The following PARD3B variants were observed in gnomAD, a reference collection of about 807,000 sequenced individuals.
The protein encoded by PARD3B is par-3 family cell polarity regulator beta, also known as partitioning defective 3 homolog B.
In PARD3B, 103 loss-of-function variants were observed where a neutral mutation model predicts 130.2. That is an observed-to-expected ratio of 0.79 (90% confidence interval 0.67 to 0.93). The LOEUF (loss-of-function observed/expected upper bound fraction) is 0.93. PARD3B is among the 40% of genes least tolerant of loss of function. The pLI is 0.00. For missense variants in PARD3B, 1,609 were observed against 1,499.2 expected, an observed-to-expected ratio of 1.07 and a Z score of -1.21; for synonymous variants, 583 against 553.2, an observed-to-expected ratio of 1.05 and a Z score of -0.76.
rs551493645 is a variant in PARD3B, at chr2:204,697,526, G to A, written c.222+11244G>A. 7.2e-5 allele frequency among the ~76,000 whole-genome samples: 11 copies of A among 152,218 alleles called. No individual in the cohort carries two copies. The East Asian group carries it at 1.5e-3, about 21-fold the overall frequency. ...GGAGCTCATCTTAGTCACTGAGACC[G>A]AGTATATAAGCAAGAGTGGGGCAGA... On this transcript the variant is annotated intron_variant, in intron 2 of 22. Transcript: ENST00000406610.
At chr2:205,555,551 T>C (rs1223566980) in intron 22 of PARD3B, among the ~76,000 whole-genome samples, 1 of 152,224 alleles carries the variant, frequency 6.6e-6, no homozygotes, top group Non-Finnish European at 1.5e-5. Flanking sequence ...GGGTTTTCTG[T>C]CAAAGATAAT....
At chr2:205,386,192 G>C (rs1473084242) in intron 18 of PARD3B, among the ~76,000 whole-genome samples, 1 of 152,160 alleles carries the variant, frequency 6.6e-6, no homozygotes, top group Non-Finnish European at 1.5e-5. Context: ...GCATTGAGCT[G>C]TTTTTCCGGG....
intron 2 of PARD3B, among the ~76,000 whole-genome samples, chr2:204,827,733 A>G (rs1006724380): frequency 2.0e-5 from 3 of 152,378 alleles, no homozygotes; most frequent in African/African-American, 7.2e-5. Flanking sequence ...AATGTGCTTT[A>G]CTACAGTTTT....
chr2:205,384,884 C>G (rs980993948), intron 18 of PARD3B, among the ~76,000 whole-genome samples: 3 of 152,044 alleles, frequency 2.0e-5, no homozygotes, highest in Admixed American at 6.6e-5. Context: ...ACATACTAAC[C>G]CTGAGAGCCC....
At chr2:204,579,491 T>C (rs1182811111) in intron 1 of PARD3B, among the ~76,000 whole-genome samples, 1 of 152,138 alleles carries the variant, frequency 6.6e-6, no homozygotes, top group African/African-American at 2.4e-5. Flanking sequence ...AAGAAGTAAG[T>C]TGGGGCTTCA....
At chr2:204,609,974 A>C (rs1052772264) in intron 1 of PARD3B, among the ~76,000 whole-genome samples, 2 of 152,142 alleles carry the variant, frequency 1.3e-5, no homozygotes, top group Non-Finnish European at 2.9e-5. Flanking sequence ...AGATATTTTG[A>C]TTTCCTTCAG....
intron 2 of PARD3B, among the ~76,000 whole-genome samples, chr2:204,772,516 G>A (rs1296356132): frequency 6.6e-6 from 1 of 152,054 alleles, no homozygotes; most frequent in African/African-American, 2.4e-5. Context: ...TTATTTTTCA[G>A]ATGGTTTGAC....
At chr2:204,911,933 G>T (rs2047252606) in intron 2 of PARD3B, among the ~76,000 whole-genome samples, 1 of 151,912 alleles carries the variant, frequency 6.6e-6, no homozygotes, top group Non-Finnish European at 1.5e-5. Flanking sequence ...AAAACAAAAA[G>T]TAATATGTGA....
rs560200102 is a variant in PARD3B at position 205,265,932 on chromosome 2, G to A, written c.2185+20110G>A. On this transcript the variant is annotated intron_variant, in intron 16 of 22. Coordinates refer to ENST00000406610, the MANE Select transcript of PARD3B (RefSeq NM_001302769.2). This position sits in a 1 kb window ranked among gnomAD's most constrained non-coding sequence, Gnocchi z 4.3. ...ATATAAAACATAAATCTTGAGAGAA[G>A]GGCTTTTGATTTTTGTTAAAAGCAG... is the stretch of plus-strand genomic sequence containing the variant. Among the ~76,000 whole-genome samples the A allele has an allele frequency of 4.4e-4, 67 of 151,988 alleles. 1 individual carries two copies. In the South Asian group the frequency reaches 0.014, roughly 32 times the overall value.
chr2:205,548,716 A>AT (rs2052481962), intron 21 of PARD3B, among the ~76,000 whole-genome samples: 1 of 152,116 alleles, frequency 6.6e-6, no homozygotes, highest in Non-Finnish European at 1.5e-5. Context: ...TTTGATGGTG[A>AT]TTTTTTTGAT....
At chr2:204,957,025 C>T (rs191937579) in intron 2 of PARD3B, among the ~76,000 whole-genome samples, 12 of 152,212 alleles carry the variant, frequency 7.9e-5, no homozygotes, top group African/African-American at 2.6e-4. Flanking sequence ...CTCCTCAGGC[C>T]TCCCCTTTGT....
At chr2:205,204,248 C>T (rs1200893372) in intron 15 of PARD3B, among the ~76,000 whole-genome samples, 3 of 152,174 alleles carry the variant, frequency 2.0e-5, no homozygotes, top group African/African-American at 4.8e-5. Context: ...GCATAAATGT[C>T]TTCTTTTGAG....
rs562764490 is a variant in PARD3B at position 204,761,252 on chromosome 2, T to C, written c.222+74970T>C. Among the ~76,000 whole-genome samples the C allele has an allele frequency of 5.3e-5, 8 of 152,302 alleles. No individual in the cohort carries two copies. In the South Asian group the frequency reaches 1.7e-3, roughly 32 times the overall value. On this transcript the variant is annotated intron_variant, in intron 2 of 22. Coordinates refer to ENST00000406610, the MANE Select transcript of PARD3B (RefSeq NM_001302769.2). ...AAGAATTTATTTTAGTGTTTCATCA[T>C]CTTCTCAAACCTTCAGCTTCATTAA...
intron 15 of PARD3B, among the ~76,000 whole-genome samples, chr2:205,231,697 A>T (rs759083996): frequency 1.3e-5 from 2 of 152,168 alleles, no homozygotes; most frequent in African/African-American, 2.4e-5. Context: ...AGCTTGATGT[A>T]AAATTAATAT....
At chr2:205,204,443 CTTTAA>C (rs1283928503) in intron 15 of PARD3B, among the ~76,000 whole-genome samples, 4 of 151,802 alleles carry the variant, frequency 2.6e-5, no homozygotes, top group Non-Finnish European at 4.4e-5. Flanking sequence ...TGCAGAAGCT[CTTTAA>C]TTTAATTAGA....
At position 205,589,564 on chromosome 2, in the gene PARD3B, G is replaced by A. The variant is rs552928136; in HGVS notation, c.3261-25892G>A. Among the ~76,000 whole-genome samples the A allele has an allele frequency of 3.3e-5, 5 of 152,252 alleles. No individual in the cohort carries two copies. Among genetic ancestry groups the A allele is most frequent in the African/African-American group, 1.2e-4 (5 of 41,542 alleles). On this transcript the variant is annotated intron_variant, in intron 22 of 22. Coordinates refer to ENST00000406610, the MANE Select transcript of PARD3B (RefSeq NM_001302769.2). The surrounding 1 kb of genome is among the most constrained non-coding windows in gnomAD (Gnocchi z 4.1). Reference sequence around the variant, plus strand: ...GATGGGCACAGTGGAAGTCATTTTGGTACCTTCCTTTTTATTTACTCCCTT... The same window carrying A: ...GATGGGCACAGTGGAAGTCATTTTGATACCTTCCTTTTTATTTACTCCCTT...
At chr2:205,103,453 G>A (rs1702970652) in intron 4 of PARD3B, among the ~76,000 whole-genome samples, 1 of 150,792 alleles carries the variant, frequency 6.6e-6, no homozygotes, top group Non-Finnish European at 1.5e-5. Context: ...ATTAAAAAAA[G>A]ATAACCTAAT....
chr2:205,134,133 GTCACAAAGCAAC>G (rs748922340), intron 10 of PARD3B, among the ~76,000 whole-genome samples: 12 of 151,554 alleles, frequency 7.9e-5, no homozygotes, highest in Non-Finnish European at 1.5e-4. Context: ...TCCTTAAACT[GTCACAAAGCAAC>G]TGTGCTTAGT....
At chr2:204,851,752 T>C (rs893224417) in intron 2 of PARD3B, among the ~76,000 whole-genome samples, 4 of 152,122 alleles carry the variant, frequency 2.6e-5, no homozygotes, top group Non-Finnish European at 4.4e-5. Flanking sequence ...AATCCTTTTT[T>C]TTTTTTCTCG....
Sources: gnomAD v4.1 joint callset for allele counts (sites outside exome capture counted in the v4.1 genomes callset) on GRCh38, gnomAD v4.1.1 for gene constraint, Gnocchi (gnomAD v3.1) non-coding constraint, MANE v1.5 for transcripts, NCBI Gene and HGNC (gene_info 2026-07-23, HGNC 2026-07-21) for gene names.